Variants in COL3A1 observed in about 807,000 individuals in gnomAD.
COL3A1 encodes the protein collagen type III alpha 1 chain, also known as collagen alpha-1(III) chain.
In COL3A1, 46 loss-of-function variants were observed where a neutral mutation model predicts 200.9. The observed-to-expected ratio is 0.23, with a 90% CI of 0.18 to 0.29. The LOEUF (loss-of-function observed/expected upper bound fraction) is 0.29, where lower values mean the gene tolerates loss of function less well. Among genes scored for constraint, COL3A1 ranks in the 10% least tolerant of loss-of-function variants. The pLI is 1.00. For synonymous variants in COL3A1, 650 were observed against 628.0 expected (o/e 1.03, Z -0.52); for missense variants, 1,367 against 1,917.6 (o/e 0.71, Z 5.36).
At chr2:189,002,225 T>TAAGATGAC in intron 34 of COL3A1, 73 bp from the exon 35 acceptor site, 1 of 1,205,652 alleles carries the variant, frequency 8.3e-7, no homozygotes, top group South Asian at 1.2e-5. Flanking sequence ...GATAAGATGA[T>TAAGATGAC]AAGATGACAT....
intron 16 of COL3A1, 92 bp downstream of exon 16, chr2:188,993,551 C>A: frequency 2.7e-6 from 3 of 1,092,134 alleles, no homozygotes; most frequent in South Asian, 1.3e-5. Context: ...GCATGTGCTT[C>A]AATATGGCTA....
chr2:188,975,495 A>G (rs113452130), intron 1 of COL3A1, among the ~76,000 whole-genome samples: 4,632 of 152,320 alleles, frequency 0.03, 110 homozygotes, highest in South Asian at 0.11. Context: ...AAACTTCCAT[A>G]GAAATAAATA....
At position 188,996,303 on chromosome 2, in the gene COL3A1, T is replaced by TACACACAC. The variant is rs200204993; in HGVS notation, c.1663-94_1663-93insCACACACA. ...ATATATGTATATGTATATCTATATA[T>TACACACAC]ATACACACACACACACACACACACA... On this transcript the variant is annotated intron_variant, in intron 23 of 50. Transcript: ENST00000304636. 0.13 allele frequency: 99,624 copies of TACACACAC among 762,020 alleles called. 2,219 individuals are homozygous for TACACACAC. Among genetic ancestry groups the TACACACAC allele is most frequent in the Middle Eastern group, 0.22 (569 of 2,554 alleles). The allele number at this position is 762,020 out of a possible 1,614,324, so 47.2% of individuals were successfully genotyped here.
intron 1 of COL3A1, among the ~76,000 whole-genome samples, chr2:188,976,347 T>C (rs1027035592): frequency 6.6e-6 from 1 of 152,128 alleles, no homozygotes; most frequent in Admixed American, 6.6e-5. Context: ...TATTTCCCTC[T>C]TTCTCTTTAG....
rs1559064528 is a variant in COL3A1 at position 189,012,443 on chromosome 2, A to G, written c.*669A>G. 6.5e-6 allele frequency: 1 copy of G among 152,850 alleles called. No homozygotes were observed. Among genetic ancestry groups the G allele is most frequent in the Non-Finnish European group, 1.5e-5 (1 of 68,266 alleles). 9.5% of individuals were successfully genotyped at this position (152,850 alleles called of 1,614,324 possible). A position where few individuals can be genotyped will look rare whatever the true frequency, so the allele number is the denominator to read the frequency against. ...ATTACTAATATTTGGGAAGGCTTTA[A>G]AGACGCATGTTATGGTGCTAATGTA... On this transcript the variant is annotated 3_prime_UTR_variant, in exon 51 of 51. Transcript: ENST00000304636.
In COL3A1 at chr2:189,004,376, C is replaced by A; in HGVS notation, c.2931+12C>A. The stretch of plus-strand genomic sequence containing the variant: ...CTCAGGGTGTCAAGGTGAGTATAGT[C>A]ATTTTCCACTACACTCTTCCTTCCT... On this transcript the variant is annotated intron_variant, in intron 40 of 50. Transcript: ENST00000304636. 6.4e-7 allele frequency: 1 copy of A among 1,573,242 alleles called. No individual in the cohort carries two copies. Among genetic ancestry groups the A allele is most frequent in the South Asian group, 1.2e-5 (1 of 85,958 alleles).
intron 10 of COL3A1, among the ~76,000 whole-genome samples, chr2:188,990,725 C>T (rs902723966): frequency 1.3e-5 from 2 of 152,120 alleles, no homozygotes; most frequent in African/African-American, 4.8e-5. Flanking sequence ...TACAACCTAT[C>T]AACTGAATTA....
intron 10 of COL3A1, 130 bp downstream of exon 10, chr2:188,990,490 T>A (rs1688164478): frequency 1.2e-6 from 1 of 855,404 alleles, no homozygotes; most frequent in Non-Finnish European, 1.9e-6. Context: ...TATTTTTAAG[T>A]CTACTAAGTT....
At chr2:189,010,993 A>C (rs2153504363) in intron 50 of COL3A1, 103 bp downstream of exon 50, 1 of 1,453,748 alleles carries the variant, frequency 6.9e-7, no homozygotes, top group African/African-American at 1.4e-5. Flanking sequence ...AGGATGAAAT[A>C]AAGATAGCAT....
intron 47 of COL3A1, 61 bp downstream of exon 47, chr2:189,008,203 C>T (rs1688639494): frequency 7.2e-7 from 1 of 1,380,326 alleles, no homozygotes; most frequent in African/African-American, 1.5e-5. Context: ...TTTTCAGAAA[C>T]ACAGCGCATT....
chr2:188,981,215 T>G (rs993440039), intron 1 of COL3A1, among the ~76,000 whole-genome samples: 2 of 151,560 alleles, frequency 1.3e-5, no homozygotes, highest in Non-Finnish European at 3.0e-5. Context: ...GTTATTTGGC[T>G]TTATTTTTCT....
Position 188,985,612 on chromosome 2 carries a change from T to C in COL3A1, c.334-53T>C, listed in dbSNP as rs1044034126. On this transcript the variant is annotated intron_variant, in intron 3 of 50. Coordinates refer to ENST00000304636, the MANE Select transcript of COL3A1 (RefSeq NM_000090.4). Reference sequence around the variant, plus strand: ...TAGAGAAACAACAATCTGATAATGATTGTGAATCACCAGGATTTTTCACTA... The same window carrying C: ...TAGAGAAACAACAATCTGATAATGACTGTGAATCACCAGGATTTTTCACTA... The C allele has an allele frequency of 3.5e-6, 4 of 1,140,800 alleles. No individual in the cohort carries two copies. The African/African-American group carries it at 4.6e-5, about 13-fold the overall frequency. The allele number at this position is 1,140,800 out of a possible 1,614,324, so 70.7% of individuals were successfully genotyped here.
chr2:189,011,305 T>C (rs113567790), intron 50 of COL3A1, among the ~76,000 whole-genome samples: 6 of 152,362 alleles, frequency 3.9e-5, no homozygotes, highest in African/African-American at 1.4e-4. Flanking sequence ...GCGAATTTCA[T>C]TGTGAGAGAC....
intron 31 of COL3A1, 60 bp from the exon 32 acceptor site, chr2:188,999,777 CCTCTT>C: frequency 6.6e-7 from 1 of 1,524,922 alleles, no homozygotes; most frequent in Non-Finnish European, 8.9e-7. Context: ...GAGAGTTACT[CCTCTT>C]CTTGGCTGAT....
At chr2:188,992,975 A>G (rs762878946) in intron 15 of COL3A1, 35 bp downstream of exon 15, 6 of 1,595,834 alleles carry the variant, frequency 3.8e-6, no homozygotes, top group African/African-American at 1.3e-5. Flanking sequence ...GTATAAAAAT[A>G]TCTTGGAGGC....
At position 189,010,201 on chromosome 2, in the gene COL3A1, C is replaced by G. The variant is rs587779467; in HGVS notation, c.3847C>G (p.Gln1283Glu). ...KSGEYWVDPN[Q>E]GCKLDAIKVF... The stretch of plus-strand genomic sequence containing the variant: ...AGGAGAATACTGGGTTGACCCTAAC[C>G]AAGGATGCAAATTGGATGCTATCAA... The change falls in exon 49 of 51, where the codon CAA becomes GAA. Residue 1283 changes from glutamine to glutamate, a missense_variant. Around this residue, in one of 5 missense-constraint regions of COL3A1, gnomAD observed 846 missense variants for 1,147.9 expected, o/e 0.74. Transcript: ENST00000304636. 2 of 1,613,962 alleles carry G rather than the reference C, an allele frequency of 1.2e-6. No individual in the cohort carries two copies. Among genetic ancestry groups the G allele is most frequent in the African/African-American group, 2.7e-5 (2 of 74,920 alleles).
chr2:189,010,239 T>A lies in COL3A1; in HGVS notation c.3885T>A (p.Asn1295Lys), dbSNP rs750772297. ...TGGATGCTATCAAGGTATTCTGTAA[T>A]ATGGAAACTGGGGAAACATGCATAA... The part of the protein sequence containing the change: ...CKLDAIKVFC[N>K]METGETCISA... Residue 1295 changes from asparagine (N) to lysine (K), a missense_variant, in exon 49 of 51, where the codon AAT (asparagine) becomes AAA (lysine). Transcript: ENST00000304636. The A allele has an allele frequency of 1.2e-6, 2 of 1,614,176 alleles. No homozygotes were observed. The highest frequency in any genetic ancestry group is 1.7e-6 in the Non-Finnish European group (2 of 1,180,018).
chr2:188,974,655 GC>G, intron 1 of COL3A1, 87 bp downstream of exon 1: 1 of 1,046,410 alleles, frequency 9.6e-7, no homozygotes, highest in Non-Finnish European at 1.5e-6. Context: ...AAAATCAGTT[GC>G]CTGATTCAAG....
chr2:189,007,161 TGATAGATAGATAGATAGATA>T (rs60243485), intron 44 of COL3A1, among the ~76,000 whole-genome samples, 171 bp downstream of exon 44: 21 of 116,328 alleles, frequency 1.8e-4, no homozygotes, highest in South Asian at 1.2e-3. Context: ...TATAGATAGA[TGATAGATAGATAGATAGATA>T]GATAGATAGA....
Sources: allele counts gnomAD v4.1 joint callset (sites outside exome capture counted in the v4.1 genomes callset), GRCh38; gene constraint gnomAD v4.1.1; regional missense constraint gnomAD v4.1.1; transcripts MANE v1.5; gene names NCBI Gene and HGNC (gene_info 2026-07-23, HGNC 2026-07-21).